The following PEAR1 variants were observed in gnomAD, a reference collection of about 807,000 sequenced individuals.
The protein encoded by PEAR1 is platelet endothelial aggregation receptor 1, also known as multiple EGF-like domains protein 12.
A neutral mutation model predicts 131.2 loss-of-function variants in PEAR1; 113 were observed. The observed-to-expected ratio is 0.86, with a 90% CI of 0.74 to 1.01. The LOEUF (loss-of-function observed/expected upper bound fraction) is 1.01, where lower values mean the gene tolerates loss of function less well. Ranked by LOEUF, PEAR1 falls within the 50% of genes least tolerant of loss-of-function variation. The pLI is 0.00. For missense variants in PEAR1, 1,408 were observed against 1,391.1 expected (o/e 1.01, Z -0.19); for synonymous variants, 565 against 523.3 (o/e 1.08, Z -1.09).
In PEAR1 at chr1:156,914,649, C is replaced by G. The variant is rs778440938; in HGVS notation, c.2965C>G (p.Arg989Gly). ...YEQPSPLIHD[R>G]DSVGSQPPLP... ...TTATCTTGTCCTCATGTTTCCAGAC[C>G]GAGACTCTGTGGGCTCCCAGCCCCC... The change falls in exon 23 of 23, where the codon CGA (arginine) becomes GGA (glycine). Residue 989 changes from arginine to glycine, a missense_variant and splice_region_variant. Physicochemically the swap from Arg to Gly is moderately radical, Grantham distance 125. Transcript: ENST00000292357. 6 of 1,610,660 alleles carry G rather than the reference C, an allele frequency of 3.7e-6. No individual in the cohort carries two copies. Among genetic ancestry groups the G allele is most frequent in the Non-Finnish European group, 3.4e-6 (4 of 1,178,218 alleles).
Position 156,904,757 on chromosome 1 carries a change from C to A in PEAR1, c.111C>A (p.Thr37=). The change falls in exon 3 of 23, where the codon ACC becomes ACA. Residue 37 remains threonine (T), a synonymous_variant. Transcript: ENST00000292357. ...GTTCCCTGTCTTGCAGCTTCACTAC[C>A]ACCACCAAGGAGTCCCACTCCCGCC... The part of the protein sequence containing the change: ...NTCSFWESFT[T]TTKESHSRPF... The A allele has an allele frequency of 6.2e-7, 1 of 1,611,324 alleles. No individual in the cohort carries two copies. Among genetic ancestry groups the A allele is most frequent in the East Asian group, 2.2e-5 (1 of 44,868 alleles).
At position 156,908,198 on chromosome 1, in the gene PEAR1, G is replaced by T; in HGVS notation, c.973G>T (p.Ala325Ser). The T allele has an allele frequency of 1.2e-6, 2 of 1,603,128 alleles. No homozygotes were observed. The change falls in exon 9 of 23, where the codon GCC becomes TCC. Residue 325 changes from alanine (A) to serine (S), a missense_variant. Transcript: ENST00000292357. This position sits in a 1 kb window ranked among gnomAD's most constrained non-coding sequence, Gnocchi z 4.2. ...TGAGACGTGCGACTGCGCCCCGGAC[G>T]CCCGTTGCTTCCCGGCCAACGGCGC... ...CAETCDCAPD[A>S]RCFPANGACL...
In PEAR1 at chr1:156,912,391, G is replaced by A. The variant is rs757716003; in HGVS notation, c.2080+16G>A. ...TGCTTAGAAGGTACCAACAGAAGGG[G>A]AACTCCAGGCCCCTGCCTCCAACTT... On this transcript the variant is annotated intron_variant, in intron 16 of 22. Coordinates refer to ENST00000292357, the MANE Select transcript of PEAR1 (RefSeq NM_001080471.3). 2.5e-6 allele frequency: 4 copies of A among 1,609,920 alleles called. No individual in the cohort carries two copies. The East Asian group carries it at 8.9e-5, about 36-fold the overall frequency.
At chr1:156,898,027 T>C (rs922074592) in intron 1 of PEAR1, among the ~76,000 whole-genome samples, 1 of 152,114 alleles carries the variant, frequency 6.6e-6, no homozygotes, top group African/African-American at 2.4e-5. Context: ...CTAGTCTATG[T>C]CACCCAGGGT....
Position 156,908,084 on chromosome 1 carries a change from G to C in PEAR1, c.902+33G>C. ...GCGTGGGGCGGGCGGGAGACGGGAG[G>C]GAGGAGGTGGGGCGCCGCCAGGCTC... On this transcript the variant is annotated intron_variant, in intron 8 of 22. Coordinates refer to ENST00000292357, the MANE Select transcript of PEAR1 (RefSeq NM_001080471.3). The surrounding 1 kb of genome is among the most constrained non-coding windows in gnomAD (Gnocchi z 4.2). The C allele has an allele frequency of 6.4e-7, 1 of 1,572,446 alleles. No individual in the cohort carries two copies. The highest frequency in any genetic ancestry group is 1.2e-5 in the South Asian group (1 of 86,368).
Position 156,913,468 on chromosome 1 carries a change from C to T in PEAR1, c.2589C>T (p.Thr863=). 1 of 1,613,602 alleles carries T rather than the reference C, an allele frequency of 6.2e-7. No individual in the cohort carries two copies. Among genetic ancestry groups the T allele is most frequent in the Non-Finnish European group, 8.5e-7 (1 of 1,180,030 alleles). The change falls in exon 20 of 23, where the codon ACC becomes ACT. Residue 863 remains threonine (T), a synonymous_variant. Coordinates refer to ENST00000292357, the MANE Select transcript of PEAR1 (RefSeq NM_001080471.3). The part of the protein sequence containing the change: ...GGAQGHDNHT[T]LPADWKHRRE... ...CCCAAGGGCATGATAACCACACCAC[C>T]CTGCCTGCTGACTGGAAGCACCGCC...
intron 1 of PEAR1, among the ~76,000 whole-genome samples, chr1:156,895,149 T>C (rs1376727659): frequency 6.6e-6 from 1 of 152,176 alleles, no homozygotes; most frequent in African/African-American, 2.4e-5. Context: ...TCTGCCTTCC[T>C]CTCTCTCCAC....
intron 6 of PEAR1, among the ~76,000 whole-genome samples, chr1:156,907,115 AG>A (rs1295277115): frequency 6.6e-6 from 1 of 152,224 alleles, no homozygotes; most frequent in Non-Finnish European, 1.5e-5. Flanking sequence ...TCTACATGGC[AG>A]GGTGGCTGTG....
intron 4 of PEAR1, among the ~76,000 whole-genome samples, chr1:156,905,670 C>G (rs926022937): frequency 2.0e-5 from 3 of 152,138 alleles, no homozygotes; most frequent in African/African-American, 7.2e-5. Flanking sequence ...TCTCCATGTC[C>G]CTCAACAGTG....
rs2102997460 is a variant in PEAR1, at chr1:156,907,599, C to A, written c.645-11C>A. ...TGTTTGCACATTGACTCCACCCACTCTGTCCTGCAGCTGTGACGTGTCCTG... is the reference window on the plus strand; with the variant it reads ...TGTTTGCACATTGACTCCACCCACTATGTCCTGCAGCTGTGACGTGTCCTG... On this transcript the variant is annotated splice_polypyrimidine_tract_variant and intron_variant, in intron 6 of 22. Transcript: ENST00000292357. The A allele has an allele frequency of 9.4e-6, 15 of 1,604,114 alleles. No homozygotes were observed. The highest frequency in any genetic ancestry group is 1.3e-5 in the Non-Finnish European group (15 of 1,175,452).
At chr1:156,907,212 G>C (rs951901083) in intron 6 of PEAR1, among the ~76,000 whole-genome samples, 3 of 152,254 alleles carry the variant, frequency 2.0e-5, no homozygotes, top group African/African-American at 7.2e-5. Flanking sequence ...TGCAAGGCAG[G>C]GTGCAGGGGG....
At position 156,914,097 on chromosome 1, in the gene PEAR1, C is replaced by T. The variant is rs1425218250; in HGVS notation, c.2959C>T (p.His987Tyr). The T allele has an allele frequency of 1.3e-6, 2 of 1,589,094 alleles. No homozygotes were observed. Among genetic ancestry groups the T allele is most frequent in the Admixed American group, 1.7e-5 (1 of 57,214 alleles). ...CTACGAGCAGCCCAGCCCCCTGATC[C>T]ATGGTGAGCCCTCCCTCTCCACTGG... Reference protein sequence around the residue: ...GTYEQPSPLIHDRDSVGSQPP... With the variant: ...GTYEQPSPLIYDRDSVGSQPP... Residue 987 changes from histidine to tyrosine, a missense_variant, in exon 22 of 23, where the codon CAT (histidine) becomes TAT (tyrosine). His to Tyr is a moderately conservative substitution (Grantham distance 83). Coordinates refer to ENST00000292357, the MANE Select transcript of PEAR1 (RefSeq NM_001080471.3).
chr1:156,902,668 C>A lies in PEAR1; in HGVS notation c.-9-1250C>A, dbSNP rs1449443025. Among the ~76,000 whole-genome samples, 1 of 152,044 alleles carries A rather than the reference C, an allele frequency of 6.6e-6. No homozygotes were observed. The highest frequency in any genetic ancestry group is 2.4e-5 in the African/African-American group (1 of 41,386). On this transcript the variant is annotated intron_variant, in intron 1 of 22. Coordinates refer to ENST00000292357, the MANE Select transcript of PEAR1 (RefSeq NM_001080471.3). The surrounding 1 kb of genome is among the most constrained non-coding windows in gnomAD (Gnocchi z 4.3). Reference sequence around the variant, plus strand: ...CTCAGGGGGGTAAGGGGCCAGCAACCGCGACCTTTCTCTCGTCTCAGAAAA... The same window carrying A: ...CTCAGGGGGGTAAGGGGCCAGCAACAGCGACCTTTCTCTCGTCTCAGAAAA...
intron 5 of PEAR1, 33 bp from the exon 6 acceptor site, chr1:156,906,604 T>G: frequency 1.9e-6 from 3 of 1,613,118 alleles, no homozygotes; most frequent in Non-Finnish European, 2.5e-6. Context: ...ACTAGACCCC[T>G]GGTGACCCCC....
chr1:156,908,617 C>A lies in PEAR1; in HGVS notation c.1116-38C>A. ...GTCGGGAAGCTGCCCTGCCCCTGCCCAGCTCAGACCGCGCCACGCCCCCGC... is the reference window on the plus strand; with the variant it reads ...GTCGGGAAGCTGCCCTGCCCCTGCCAAGCTCAGACCGCGCCACGCCCCCGC... On this transcript the variant is annotated intron_variant, in intron 9 of 22. Transcript: ENST00000292357. The surrounding 1 kb of genome is among the most constrained non-coding windows in gnomAD (Gnocchi z 4.2). The A allele has an allele frequency of 6.7e-7, 1 of 1,484,522 alleles. No homozygotes were observed. 92.0% of individuals were successfully genotyped at this position (1,484,522 alleles called of 1,614,324 possible). A position where few individuals can be genotyped will look rare whatever the true frequency, so the allele number is the denominator to read the frequency against.
rs1402629318 is a variant in PEAR1 at position 156,911,677 on chromosome 1, C to G, written c.1952-570C>G. ...TTTCTTTATTTTATGAGCCTTTCCCCCACAAAAATATATTAAGATCATTGA... is the reference window on the plus strand; with the variant it reads ...TTTCTTTATTTTATGAGCCTTTCCCGCACAAAAATATATTAAGATCATTGA... On this transcript the variant is annotated intron_variant, in intron 15 of 22. Transcript: ENST00000292357. 3.3e-5 allele frequency among the ~76,000 whole-genome samples: 5 copies of G among 151,772 alleles called. 1 individual carries two copies. Among genetic ancestry groups the G allele is most frequent in the Non-Finnish European group, 5.9e-5 (4 of 67,978 alleles).
intron 16 of PEAR1, 28 bp from the exon 17 acceptor site, chr1:156,912,466 C>T (rs757740962): frequency 1.1e-5 from 17 of 1,606,286 alleles, no homozygotes; most frequent in South Asian, 4.4e-5. Flanking sequence ...GCTCTGATGC[C>T]GGCCTGCCTC....
At position 156,909,744 on chromosome 1, in the gene PEAR1, C is replaced by T; in HGVS notation, c.1412-7C>T. 9 of 1,593,824 alleles carry T rather than the reference C, an allele frequency of 5.6e-6. No individual in the cohort carries two copies. The highest frequency in any genetic ancestry group is 1.1e-5 in the South Asian group (1 of 88,648). On this transcript the variant is annotated splice_polypyrimidine_tract_variant and splice_region_variant and intron_variant, in intron 11 of 22. Coordinates refer to ENST00000292357, the MANE Select transcript of PEAR1 (RefSeq NM_001080471.3). ...CCCCATACCTACCTACCAGGCCCCTCCTCCAGGTTGGCAGCGTGGTAACTG... is the reference window on the plus strand; with the variant it reads ...CCCCATACCTACCTACCAGGCCCCTTCTCCAGGTTGGCAGCGTGGTAACTG...
At chr1:156,914,611 G>T in intron 22 of PEAR1, 36 bp from the exon 23 acceptor site, 1 of 1,581,980 alleles carries the variant, frequency 6.3e-7, no homozygotes, top group Non-Finnish European at 8.6e-7. Flanking sequence ...GTGGTGGGAG[G>T]AGCCACTCCC....
Sources: allele counts gnomAD v4.1 joint callset (sites outside exome capture counted in the v4.1 genomes callset), GRCh38; gene constraint gnomAD v4.1.1; non-coding constraint Gnocchi (gnomAD v3.1); transcripts MANE v1.5; gene names NCBI Gene and HGNC (gene_info 2026-07-23, HGNC 2026-07-21).